Variants in SNX29 observed in about 807,000 individuals in gnomAD.
The protein encoded by SNX29 is sorting nexin 29.
SNX29 carries 78 observed loss-of-function variants against 102.1 expected under a neutral mutation model. The ratio of observed to expected loss-of-function variants is 0.76; its 90% CI spans 0.64 to 0.92. The LOEUF (loss-of-function observed/expected upper bound fraction) is 0.92, where lower values mean the gene tolerates loss of function less well. Among genes scored for constraint, SNX29 ranks in the 40% least tolerant of loss-of-function variants. The probability of loss-of-function intolerance (pLI) is 0.00; values close to 1 mark genes in which losing one functional copy is unlikely to be tolerated. For synonymous variants in SNX29, 580 were observed against 414.5 expected (o/e 1.40, Z -4.85); for missense variants, 1,280 against 1,061.7 (o/e 1.21, Z -2.86).
At position 12,573,713 on chromosome 16, in the gene SNX29, G is replaced by A. The variant is rs558340919; in HGVS notation, c.*5084G>A. ...GCAAAAATTGGGACTGAGGACAGTA[G>A]CACACGGAATGGTGGATCGTACATT... On this transcript the variant is annotated 3_prime_UTR_variant, in exon 21 of 21. Coordinates refer to ENST00000566228, the MANE Select transcript of SNX29 (RefSeq NM_032167.5). The A allele has an allele frequency of 3.3e-4, 73 of 223,628 alleles. No individual in the cohort carries two copies. The South Asian group carries it at 0.012, about 38-fold the overall frequency. The allele number at this position is 223,628 out of a possible 1,614,324, so 13.9% of individuals were successfully genotyped here.
At chr16:12,526,200 G>A (rs1015566403) in intron 20 of SNX29, among the ~76,000 whole-genome samples, 2 of 152,202 alleles carry the variant, frequency 1.3e-5, no homozygotes, top group African/African-American at 2.4e-5. Context: ...CACTGTAGCT[G>A]TTTAACGGTT....
rs112628359 is a variant in SNX29, at chr16:12,323,500, AG to A, written c.1783-32662del. 7.4e-3 allele frequency among the ~76,000 whole-genome samples: 1,086 copies of A among 147,404 alleles called. 12 individuals are homozygous for A. The highest frequency in any genetic ancestry group is 0.027 in the African/African-American group (1,057 of 39,472). On this transcript the variant is annotated intron_variant, in intron 15 of 20. Transcript: ENST00000566228. ...AGGTTAGTGTCTAGTCAGCCACTGT[AG>A]TCTGCCTAGAGGTTTTAAAAAAAAA...
chr16:12,277,056 A>T (rs2079273918), intron 14 of SNX29, among the ~76,000 whole-genome samples: 1 of 152,100 alleles, frequency 6.6e-6, no homozygotes, highest in Non-Finnish European at 1.5e-5. Context: ...TCACTGGATC[A>T]CTTTTTTGTT....
chr16:12,035,314 C>T lies in SNX29; in HGVS notation c.248-7583C>T, dbSNP rs567149737. ...GCAGCCTTGAACTTCCTGGCTCAAGCGATCCTCCTACTTCGGCCTCTCAAG... is the reference window on the plus strand; with the variant it reads ...GCAGCCTTGAACTTCCTGGCTCAAGTGATCCTCCTACTTCGGCCTCTCAAG... On this transcript the variant is annotated intron_variant, in intron 4 of 20. Coordinates refer to ENST00000566228, the MANE Select transcript of SNX29 (RefSeq NM_032167.5). Among the ~76,000 whole-genome samples the T allele has an allele frequency of 5.9e-5, 9 of 151,440 alleles. No individual in the cohort carries two copies. The South Asian group carries it at 6.2e-4, about 11-fold the overall frequency.
At chr16:12,120,144 C>T (rs748997877) in intron 11 of SNX29, among the ~76,000 whole-genome samples, 1 of 152,128 alleles carries the variant, frequency 6.6e-6, no homozygotes, top group Non-Finnish European at 1.5e-5. Context: ...TTTATCCTTT[C>T]TTTTGGAGAT....
At chr16:12,139,193 TAAAAAAAAA>T (rs34808071) in intron 13 of SNX29, among the ~76,000 whole-genome samples, 3 of 66,134 alleles carry the variant, frequency 4.5e-5, no homozygotes, top group Non-Finnish European at 5.2e-5. Flanking sequence ...AGCGAGACTC[TAAAAAAAAA>T]AAAAAAAAAA....
intron 18 of SNX29, among the ~76,000 whole-genome samples, chr16:12,447,837 G>A (rs1056182550): frequency 2.0e-5 from 3 of 152,172 alleles, no homozygotes; most frequent in South Asian, 2.1e-4. Context: ...TCTCTTCCCT[G>A]TACCCTGCCC....
At position 12,573,785 on chromosome 16, in the gene SNX29, T is replaced by A. The variant is rs1361137465; in HGVS notation, c.*5156T>A. On this transcript the variant is annotated 3_prime_UTR_variant, in exon 21 of 21. Coordinates refer to ENST00000566228, the MANE Select transcript of SNX29 (RefSeq NM_032167.5). ...CTCAGTGACCCCAGAGACCATTAAT[T>A]TCCCGGAGTGAAGGGGATGGGGGTA... 4.5e-6 allele frequency: 1 copy of A among 221,480 alleles called. No homozygotes were observed. Among genetic ancestry groups the A allele is most frequent in the Non-Finnish European group, 9.0e-6 (1 of 110,764 alleles). The allele number at this position is 221,480 out of a possible 1,614,324, so 13.7% of individuals were successfully genotyped here.
chr16:12,283,907 C>G (rs749702804), intron 15 of SNX29, among the ~76,000 whole-genome samples: 1 of 152,228 alleles, frequency 6.6e-6, no homozygotes, highest in Non-Finnish European at 1.5e-5. Context: ...TTCTTAGGGA[C>G]TGTTAGTGGT....
intron 19 of SNX29, among the ~76,000 whole-genome samples, chr16:12,509,110 G>A (rs948337846): frequency 6.6e-6 from 1 of 152,164 alleles, no homozygotes; most frequent in Non-Finnish European, 1.5e-5. Context: ...AATTTATGCT[G>A]GTTGTAGAGG....
chr16:12,403,951 C>T (rs1047112701), intron 18 of SNX29, among the ~76,000 whole-genome samples: 1 of 152,098 alleles, frequency 6.6e-6, no homozygotes, highest in Non-Finnish European at 1.5e-5. Context: ...GACAGGATGA[C>T]CCCAGCAGCG....
intron 14 of SNX29, among the ~76,000 whole-genome samples, chr16:12,215,580 G>A (rs1232102402): frequency 6.6e-6 from 1 of 152,156 alleles, no homozygotes; most frequent in Non-Finnish European, 1.5e-5. Context: ...GGTCTTTTTA[G>A]TTCAAGATTT....
chr16:12,338,226 A>C (rs548930522), intron 15 of SNX29, among the ~76,000 whole-genome samples: 1 of 152,224 alleles, frequency 6.6e-6, no homozygotes, highest in African/African-American at 2.4e-5. Context: ...TTTTCTTTGA[A>C]AAGGAAAATG....
At chr16:12,249,746 A>G (rs1245828093) in intron 14 of SNX29, among the ~76,000 whole-genome samples, 1 of 152,146 alleles carries the variant, frequency 6.6e-6, no homozygotes, top group Non-Finnish European at 1.5e-5. Flanking sequence ...ATACATGTAA[A>G]AGTTCTTAGA....
chr16:12,246,573 G>A (rs983032572), intron 14 of SNX29, among the ~76,000 whole-genome samples: 6 of 152,096 alleles, frequency 3.9e-5, no homozygotes, highest in African/African-American at 1.4e-4. Context: ...CCTGGGAGGC[G>A]AAGTTGTAGT....
chr16:12,519,304 G>A (rs371406319), intron 19 of SNX29, among the ~76,000 whole-genome samples: 15 of 152,272 alleles, frequency 9.9e-5, no homozygotes, highest in South Asian at 4.1e-4. Context: ...CCAGGTGATC[G>A]CAGGGGGAGT....
At chr16:12,244,558 C>A (rs750872512) in intron 14 of SNX29, among the ~76,000 whole-genome samples, 2 of 151,832 alleles carry the variant, frequency 1.3e-5, no homozygotes, top group Non-Finnish European at 2.9e-5. Context: ...TGCAGTGAGC[C>A]GAGATCATGC....
chr16:12,309,809 G>T (rs1331218562), intron 15 of SNX29, among the ~76,000 whole-genome samples: 2 of 152,188 alleles, frequency 1.3e-5, no homozygotes, highest in African/African-American at 4.8e-5. Flanking sequence ...AAGGGCAGTG[G>T]AGTTGAAGGC....
chr16:12,266,158 C>A (rs2078921604), intron 14 of SNX29, among the ~76,000 whole-genome samples: 1 of 152,074 alleles, frequency 6.6e-6, no homozygotes, highest in Non-Finnish European at 1.5e-5. Context: ...CTACTGGGCT[C>A]AAGCGATCCT....
Sources: allele counts gnomAD v4.1 joint callset (sites outside exome capture counted in the v4.1 genomes callset), GRCh38; gene constraint gnomAD v4.1.1; transcripts MANE v1.5; gene names NCBI Gene and HGNC (gene_info 2026-07-23, HGNC 2026-07-21).